Variants in TDRD12 observed in about 807,000 individuals in gnomAD.
TDRD12 encodes tudor domain containing 12.
TDRD12 carries 158 observed loss-of-function variants against 133.5 expected under a neutral mutation model. That is an observed-to-expected ratio of 1.18 (90% CI 1.04 to 1.35). The LOEUF is 1.35. TDRD12 is among the 40% of genes most tolerant of loss of function. The pLI is 0.00. For missense variants in TDRD12, 1,443 were observed against 1,321.3 expected (o/e 1.09, Z -1.43); for synonymous variants, 460 against 477.9 (o/e 0.96, Z 0.49).
At chr19:32,723,067 A>G (rs1306609339) in intron 1 of TDRD12, among the ~76,000 whole-genome samples, 3 of 152,130 alleles carry the variant, frequency 2.0e-5, no homozygotes, top group African/African-American at 7.2e-5. Context: ...TGGTGCAAGG[A>G]ATGGATGAAG....
chr19:32,723,792 A>G (rs1439452580), intron 1 of TDRD12, among the ~76,000 whole-genome samples: 3 of 152,110 alleles, frequency 2.0e-5, no homozygotes, highest in Non-Finnish European at 4.4e-5. Flanking sequence ...GTGTTTTATA[A>G]CTTTCAGCAT....
chr19:32,751,877 T>C (rs1377754728), intron 6 of TDRD12, among the ~76,000 whole-genome samples: 3 of 151,874 alleles, frequency 2.0e-5, no homozygotes, highest in African/African-American at 7.3e-5. Context: ...TTATTATTTA[T>C]TTATTTATTT....
intron 1 of TDRD12, among the ~76,000 whole-genome samples, chr19:32,724,836 A>G (rs867499630): frequency 6.6e-6 from 1 of 152,202 alleles, no homozygotes; most frequent in Non-Finnish European, 1.5e-5. Context: ...CACCAACAGT[A>G]TAAAAGCATT....
At chr19:32,748,377 T>G in intron 4 of TDRD12, 99 bp from the exon 5 acceptor site, 1 of 1,195,012 alleles carries the variant, frequency 8.4e-7, no homozygotes, top group East Asian at 2.6e-5. Context: ...GTGTTCCATA[T>G]GTAGTGTGAG....
At chr19:32,760,254 G>C (rs1970113542) in intron 8 of TDRD12, among the ~76,000 whole-genome samples, 2 of 152,280 alleles carry the variant, frequency 1.3e-5, no homozygotes, top group East Asian at 3.9e-4. Flanking sequence ...AGGTTATGGT[G>C]AACAATAACA....
intron 20 of TDRD12, 48 bp downstream of exon 20, chr19:32,802,837 G>A: frequency 6.5e-7 from 1 of 1,534,286 alleles, no homozygotes; most frequent in Non-Finnish European, 8.7e-7. Context: ...CATCTTCTGT[G>A]TCATGATAAG....
intron 6 of TDRD12, among the ~76,000 whole-genome samples, chr19:32,751,935 G>A (rs946198637): frequency 6.6e-5 from 10 of 152,100 alleles, no homozygotes; most frequent in South Asian, 4.1e-4. Context: ...GTGCAGTGGC[G>A]CAATCTCAGC....
At chr19:32,813,721 T>G in exon 25 of TDRD12, 1 of 1,535,370 alleles carries the variant, frequency 6.5e-7, no homozygotes, top group East Asian at 2.4e-5. Context: ...GTTGGAAAAT[T>G]GCATGATGCA....
chr19:32,749,303 A>C lies in TDRD12; in HGVS notation c.497-481A>C, dbSNP rs562215624. Reference sequence around the variant, plus strand: ...CCTCAGTGGCTCAGGCAAGTGACTTAGCCTCTGAGCCTGGTCTCCTCACCT... The same window carrying C: ...CCTCAGTGGCTCAGGCAAGTGACTTCGCCTCTGAGCCTGGTCTCCTCACCT... On this transcript the variant is annotated intron_variant, in intron 5 of 27. Transcript: ENST00000444215. Among the ~76,000 whole-genome samples the C allele has an allele frequency of 3.3e-5, 5 of 152,248 alleles. No homozygotes were observed. In the South Asian group the frequency reaches 1.0e-3, roughly 32 times the overall value.
intron 14 of TDRD12, 68 bp from the exon 15 acceptor site, chr19:32,797,667 G>C (rs1231681054): frequency 1.7e-6 from 1 of 578,570 alleles, no homozygotes; most frequent in Non-Finnish European, 3.1e-6. Flanking sequence ...AGATGTTCTT[G>C]ATGTTTCATA....
In TDRD12 at chr19:32,771,336, A is replaced by G. The variant is rs1323867956; in HGVS notation, c.866-1417A>G. On this transcript the variant is annotated intron_variant, in intron 8 of 27. Transcript: ENST00000444215. Reference sequence around the variant, plus strand: ...CAGGTGTGCGTCACCACGCCTAGATAACTTTCATATCCAGGATTTCACCAT... The same window carrying G: ...CAGGTGTGCGTCACCACGCCTAGATGACTTTCATATCCAGGATTTCACCAT... Among the ~76,000 whole-genome samples, 3 of 152,070 alleles carry G rather than the reference A, an allele frequency of 2.0e-5. 1 individual carries two copies. Among genetic ancestry groups the G allele is most frequent in the South Asian group, 4.1e-4 (2 of 4,824 alleles).
At chr19:32,720,090 G>A in exon 1 of TDRD12, 2 of 1,548,240 alleles carry the variant, frequency 1.3e-6, no homozygotes, top group Non-Finnish European at 1.7e-6. Context: ...AGCTCCTGGT[G>A]CTGAAGGTGA....
In TDRD12 at chr19:32,720,209, C is replaced by T. The variant is rs575287991; in HGVS notation, c.24+113C>T. 8.1e-6 allele frequency: 10 copies of T among 1,241,818 alleles called. No individual in the cohort carries two copies. The East Asian group carries it at 1.8e-4, about 23-fold the overall frequency. 76.9% of individuals were successfully genotyped at this position (1,241,818 alleles called of 1,614,324 possible). On this transcript the variant is annotated intron_variant, in intron 1 of 27. Coordinates refer to ENST00000444215, the Ensembl canonical transcript of TDRD12. Reference sequence around the variant, plus strand: ...GCTCCGCACAGCTTCCTACACCCACCGCAGCCCCGCACAGCCTCCCACCCC... The same window carrying T: ...GCTCCGCACAGCTTCCTACACCCACTGCAGCCCCGCACAGCCTCCCACCCC...
At chr19:32,802,166 A>ATATATCAT (rs1371675275) in intron 19 of TDRD12, among the ~76,000 whole-genome samples, 1 of 142,518 alleles carries the variant, frequency 7.0e-6, no homozygotes, top group Non-Finnish European at 1.5e-5. Context: ...TATATATGAT[A>ATATATCAT]ATATATATCA....
intron 26 of TDRD12, among the ~76,000 whole-genome samples, 185 bp downstream of exon 26, chr19:32,815,805 C>A (rs947635999): frequency 1.3e-5 from 2 of 152,158 alleles, no homozygotes; most frequent in East Asian, 1.9e-4. Flanking sequence ...ACCATCCTGG[C>A]CAACATGGTG....
intron 23 of TDRD12, 123 bp downstream of exon 23, chr19:32,810,400 G>C (rs1966962259): frequency 1.3e-6 from 1 of 786,238 alleles, no homozygotes; most frequent in Non-Finnish European, 1.9e-6. Flanking sequence ...TGACAGCGGG[G>C]TGTCCCCCCA....
chr19:32,757,179 T>G, intron 8 of TDRD12, 49 bp downstream of exon 8: 1 of 1,413,630 alleles, frequency 7.1e-7, no homozygotes, highest in Non-Finnish European at 9.7e-7. Context: ...GAAAAAAATA[T>G]TCTTAGCTTT....
downstream of TDRD12, among the ~76,000 whole-genome samples, chr19:32,821,847 A>T (rs572566545): frequency 2.0e-5 from 3 of 152,372 alleles, no homozygotes; most frequent in South Asian, 6.2e-4. Flanking sequence ...CGCCTCAGCA[A>T]AGAGGAGGAG....
At chr19:32,807,693 G>A in intron 22 of TDRD12, 45 bp downstream of exon 22, 4 of 1,322,678 alleles carry the variant, frequency 3.0e-6, no homozygotes, top group East Asian at 2.5e-5. Flanking sequence ...GAATGGTCAT[G>A]TTAATAAACG....
Sources: gnomAD v4.1 joint callset for allele counts (sites outside exome capture counted in the v4.1 genomes callset) on GRCh38, gnomAD v4.1.1 for gene constraint, MANE v1.5 for transcripts, NCBI Gene and HGNC (gene_info 2026-07-23, HGNC 2026-07-21) for gene names.